Variants in KIAA0825 observed in about 807,000 individuals in gnomAD.
KIAA0825 encodes uncharacterized protein KIAA0825.
KIAA0825 carries 119 observed loss-of-function variants against 147.6 expected under a neutral mutation model. The ratio of observed to expected loss-of-function variants is 0.81; its 90% CI spans 0.69 to 0.94. The LOEUF (loss-of-function observed/expected upper bound fraction) is 0.94, where lower values mean the gene tolerates loss of function less well. Ranked by LOEUF, KIAA0825 falls within the 40% of genes least tolerant of loss-of-function variation. The pLI, the probability that KIAA0825 is intolerant of heterozygous loss-of-function variation, is 0.00. For missense variants in KIAA0825, 1,381 were observed against 1,472.7 expected (o/e 0.94, Z 1.02); for synonymous variants, 470 against 518.1 (o/e 0.91, Z 1.26).
rs769906802 is a variant in KIAA0825, at chr5:94,462,486, T to C, written c.2147A>G (p.His716Arg). Residue 716 changes from histidine (H) to arginine (R), a missense_variant, in exon 12 of 21, where the codon CAT becomes CGT. Transcript: ENST00000682413. ...AAAAATTTTATCATCTGTATGCTGA[T>C]GAGGATTCAAAAGTTTCTGTACAGA... ...CTSVQKLLNP[H>R]QHTDDKIFKI... 6.5e-7 allele frequency: 1 copy of C among 1,543,828 alleles called. No homozygotes were observed. The highest frequency in any genetic ancestry group is 8.8e-7 in the Non-Finnish European group (1 of 1,141,348).
chr5:94,205,291 ATATATATATTTTG>A (rs1269696588), intron 20 of KIAA0825, among the ~76,000 whole-genome samples: 5 of 141,512 alleles, frequency 3.5e-5, no homozygotes, highest in African/African-American at 1.3e-4. Flanking sequence ...ATATATATAT[ATATATATATTTTG>A]TTTTGTTTTG....
At chr5:94,156,016 T>C (rs1185842541) in intron 20 of KIAA0825, among the ~76,000 whole-genome samples, 2 of 152,266 alleles carry the variant, frequency 1.3e-5, no homozygotes, top group East Asian at 3.9e-4. Context: ...ATTGAGCTCC[T>C]CCCAAGCAGG....
intron 2 of KIAA0825, among the ~76,000 whole-genome samples, chr5:94,574,543 C>CAAAAAAAAAAAAAAAAAAAAATAA (rs1780616734): frequency 1.5e-5 from 1 of 65,530 alleles, no homozygotes; most frequent in Non-Finnish European, 2.6e-5. Context: ...GACTCCATCT[C>CAAAAAAAAAAAAAAAAAAAAATAA]AAAAAAAAAA....
At chr5:94,564,993 CCT>C (rs1245913455) in intron 2 of KIAA0825, among the ~76,000 whole-genome samples, 114 of 125,872 alleles carry the variant, frequency 9.1e-4, no homozygotes, top group South Asian at 2.8e-3. Context: ...CTTCTCTTCT[CCT>C]CTCTCTCTCT....
intron 19 of KIAA0825, among the ~76,000 whole-genome samples, chr5:94,385,716 A>G (rs1164092358): frequency 6.6e-6 from 1 of 152,344 alleles, no homozygotes; most frequent in African/African-American, 2.4e-5. Context: ...TTTATTCCAA[A>G]TAGACCGGCT....
At position 94,516,060 on chromosome 5, in the gene KIAA0825, A is replaced by C. The variant is rs182024248; in HGVS notation, c.970+4188T>G. ...CTAAAGCAGCACATGCTCTCTAAGA[A>C]ACAAAACATTCAAAACTGAATATAA... On this transcript the variant is annotated intron_variant, in intron 5 of 20. Coordinates refer to ENST00000682413, the MANE Select transcript of KIAA0825 (RefSeq NM_001145678.3). Among the ~76,000 whole-genome samples, 590 of 152,344 alleles carry C rather than the reference A, an allele frequency of 3.9e-3. 4 individuals are homozygous for C. The highest frequency in any genetic ancestry group is 0.014 in the African/African-American group (564 of 41,572).
chr5:94,598,076 A>C (rs1344797147), intron 1 of KIAA0825, among the ~76,000 whole-genome samples: 1 of 152,116 alleles, frequency 6.6e-6, no homozygotes, highest in East Asian at 1.9e-4. Context: ...ATTTGTAAAA[A>C]GTATTTTTCT....
chr5:94,191,326 T>C lies in KIAA0825; in HGVS notation c.3711-37202A>G, dbSNP rs545525665. ...ATTCCATGAATGTTTAATTTCATTC[T>C]AGAGAGAAAACATTTGGGTGATTAG... On this transcript the variant is annotated intron_variant, in intron 20 of 20. Coordinates refer to ENST00000682413, the MANE Select transcript of KIAA0825 (RefSeq NM_001145678.3). Among the ~76,000 whole-genome samples the C allele has an allele frequency of 6.0e-4, 92 of 152,314 alleles. No homozygotes were observed. In the Middle Eastern group the frequency reaches 0.014, roughly 23 times the overall value.
rs530821132 is a variant in KIAA0825, at chr5:94,334,476, A to AT, written c.3710+49891dup. On this transcript the variant is annotated intron_variant, in intron 20 of 20. Coordinates refer to ENST00000682413, the MANE Select transcript of KIAA0825 (RefSeq NM_001145678.3). ...ATAAAGATTTCACAACCGACTTTTAATTTTTTTAATTTTTTTATTTTTTTG... is the reference window on the plus strand; with the variant it reads ...ATAAAGATTTCACAACCGACTTTTAATTTTTTTTAATTTTTTTATTTTTTTG... Among the ~76,000 whole-genome samples the AT allele has an allele frequency of 1.2e-3, 188 of 151,674 alleles. 1 individual carries two copies. Among genetic ancestry groups the AT allele is most frequent in the African/African-American group, 4.3e-3 (176 of 41,042 alleles).
chr5:94,420,291 A>T (rs1754013503), intron 14 of KIAA0825, among the ~76,000 whole-genome samples: 1 of 152,118 alleles, frequency 6.6e-6, no homozygotes, highest in African/African-American at 2.4e-5. Context: ...AATGGGTGCT[A>T]ATTTTCCCAG....
chr5:94,400,483 G>T (rs1751231491), intron 16 of KIAA0825, among the ~76,000 whole-genome samples: 1 of 151,946 alleles, frequency 6.6e-6, no homozygotes, highest in African/African-American at 2.4e-5. Context: ...TGTGACCAAT[G>T]GCATGGACAC....
chr5:94,251,386 C>A (rs1476145005), intron 20 of KIAA0825, among the ~76,000 whole-genome samples: 1 of 152,090 alleles, frequency 6.6e-6, no homozygotes, highest in African/African-American at 2.4e-5. Context: ...ACAACTTATG[C>A]CACTTAATTC....
At chr5:94,332,662 G>A (rs1258099629) in intron 20 of KIAA0825, among the ~76,000 whole-genome samples, 2 of 152,018 alleles carry the variant, frequency 1.3e-5, no homozygotes, top group Non-Finnish European at 2.9e-5. Context: ...CTTTGCTATT[G>A]TGAATAGTGC....
intron 2 of KIAA0825, among the ~76,000 whole-genome samples, chr5:94,543,056 G>A (rs1389051713): frequency 6.6e-6 from 1 of 152,174 alleles, no homozygotes; most frequent in Non-Finnish European, 1.5e-5. Flanking sequence ...AATAGAGCCA[G>A]GAGTTCCAAG....
intron 20 of KIAA0825, among the ~76,000 whole-genome samples, chr5:94,191,031 G>A (rs148476307): frequency 1.3e-5 from 2 of 152,090 alleles, no homozygotes; most frequent in East Asian, 3.9e-4. Context: ...TTTATTGAAA[G>A]TACTCATTTT....
chr5:94,590,001 TG>T (rs1278845228), intron 1 of KIAA0825, among the ~76,000 whole-genome samples: 2 of 152,106 alleles, frequency 1.3e-5, no homozygotes, highest in Admixed American at 1.3e-4. Flanking sequence ...TTTTTTTCTT[TG>T]TTTTTGAGAC....
At chr5:94,219,336 G>C (rs1266217430) in intron 20 of KIAA0825, among the ~76,000 whole-genome samples, 1 of 152,076 alleles carries the variant, frequency 6.6e-6, no homozygotes, top group Non-Finnish European at 1.5e-5. Flanking sequence ...GATCTGAGAG[G>C]AGGTGGAGCT....
At chr5:94,356,748 G>A (rs1335783935) in intron 20 of KIAA0825, among the ~76,000 whole-genome samples, 5 of 52,744 alleles carry the variant, frequency 9.5e-5, no homozygotes, top group African/African-American at 2.7e-4. Flanking sequence ...TTTTTGAGAC[G>A]GAGTCTCGCT....
chr5:94,477,646 TCAAA>T (rs1253598577), intron 6 of KIAA0825, among the ~76,000 whole-genome samples: 1 of 152,036 alleles, frequency 6.6e-6, no homozygotes, highest in East Asian at 1.9e-4. Context: ...CATGTTAACT[TCAAA>T]CAAAGAAGAA....
Sources: gnomAD v4.1 joint callset for allele counts (sites outside exome capture counted in the v4.1 genomes callset) on GRCh38, gnomAD v4.1.1 for gene constraint, MANE v1.5 for transcripts, NCBI Gene and HGNC (gene_info 2026-07-23, HGNC 2026-07-21) for gene names.